The following PPP2R2B variants were observed in gnomAD, a reference collection of about 807,000 sequenced individuals.
The protein encoded by PPP2R2B is serine/threonine-protein phosphatase 2A 55 kDa regulatory subunit B beta isoform.
A neutral mutation model predicts 46.0 loss-of-function variants in PPP2R2B; 5 were observed. The observed-to-expected ratio is 0.11, with a 90% confidence interval of 0.06 to 0.23. The LOEUF is 0.23. PPP2R2B is among the 10% of genes least tolerant of loss of function. PPP2R2B has a pLI of 1.00. For synonymous variants in PPP2R2B, 215 were observed against 206.7 expected (o/e 1.04, Z -0.34); for missense variants, 367 against 575.0 (o/e 0.64, Z 3.70).
chr5:146,997,203 G>T (rs1580774633), intron 1 of PPP2R2B, among the ~76,000 whole-genome samples: 1 of 152,130 alleles, frequency 6.6e-6, no homozygotes, highest in African/African-American at 2.4e-5. Flanking sequence ...AGCAACAATT[G>T]TGGGGTTTCA....
intron 1 of PPP2R2B, among the ~76,000 whole-genome samples, chr5:146,952,899 A>G (rs2151836617): frequency 6.6e-6 from 1 of 152,306 alleles, no homozygotes; most frequent in East Asian, 1.9e-4. Context: ...ATGTTAGCAA[A>G]TGAATAGAAA....
intron 2 of PPP2R2B, among the ~76,000 whole-genome samples, chr5:146,855,439 T>C (rs1760598520): frequency 6.6e-6 from 1 of 152,206 alleles, no homozygotes; most frequent in African/African-American, 2.4e-5. Flanking sequence ...ATCCATAGTC[T>C]GATGGAGAAT....
At chr5:146,701,724 C>T (rs1223387706) in intron 2 of PPP2R2B, among the ~76,000 whole-genome samples, 2 of 152,216 alleles carry the variant, frequency 1.3e-5, no homozygotes, top group African/African-American at 2.4e-5. Flanking sequence ...CCAACACATC[C>T]TTCTGGAAGA....
chr5:147,079,915 A>G lies in PPP2R2B; in HGVS notation c.50+1144T>C, dbSNP rs1408754578. Among the ~76,000 whole-genome samples the G allele has an allele frequency of 3.9e-5, 6 of 152,204 alleles. No homozygotes were observed. In the East Asian group the frequency reaches 7.7e-4, roughly 20 times the overall value. On this transcript the variant is annotated intron_variant, in intron 2 of 10. Coordinates refer to the PPP2R2B transcript ENST00000394413. ...CATCTTGGTTTGATATCATTACACA[A>G]TATACACATATCAAAACATCACACT...
At chr5:146,659,165 G>T (rs965089945) in intron 5 of PPP2R2B, among the ~76,000 whole-genome samples, 5 of 152,126 alleles carry the variant, frequency 3.3e-5, no homozygotes, top group African/African-American at 1.2e-4. Flanking sequence ...GTGGGTATTG[G>T]TGAGTATCCA....
intron 2 of PPP2R2B, among the ~76,000 whole-genome samples, chr5:146,814,994 T>A (rs1033170775): frequency 6.6e-6 from 1 of 152,188 alleles, no homozygotes; most frequent in African/African-American, 2.4e-5. Context: ...CTGTACAGAT[T>A]TGCCTCTGGT....
In PPP2R2B at chr5:146,588,848, C is replaced by CACA. The variant is rs1430926909; in HGVS notation, c.*1096_*1098dup. The stretch of plus-strand genomic sequence containing the variant: ...GAGTTAGAAGTGCCTGATTGGACTT[C>CACA]ACAACTCAGCGTTTTTATTGGCTAT... On this transcript the variant is annotated 3_prime_UTR_variant, in exon 10 of 10. Coordinates refer to ENST00000394411, the MANE Select transcript of PPP2R2B (RefSeq NM_181675.4). 6.6e-6 allele frequency: 1 copy of CACA among 152,144 alleles called. No individual in the cohort carries two copies. 9.4% of individuals were successfully genotyped at this position (152,144 alleles called of 1,614,324 possible).
At chr5:147,045,273 G>A (rs951138191) in intron 1 of PPP2R2B, among the ~76,000 whole-genome samples, 3 of 152,084 alleles carry the variant, frequency 2.0e-5, no homozygotes, top group Non-Finnish European at 4.4e-5. Context: ...CCACATATAC[G>A]ATGGTGATTC....
At chr5:147,037,721 C>T (rs1756110205) in intron 1 of PPP2R2B, among the ~76,000 whole-genome samples, 1 of 152,068 alleles carries the variant, frequency 6.6e-6, no homozygotes, top group South Asian at 2.1e-4. Context: ...AGACTGGGAG[C>T]AGCATTTCCT....
At chr5:146,700,794 C>T (rs1232474754) in intron 3 of PPP2R2B, among the ~76,000 whole-genome samples, 2 of 152,012 alleles carry the variant, frequency 1.3e-5, no homozygotes, top group South Asian at 2.1e-4. Context: ...GCAGGTCAGG[C>T]GAGAAGTGAA....
intron 2 of PPP2R2B, among the ~76,000 whole-genome samples, chr5:146,862,524 G>T (rs916961856): frequency 2.0e-4 from 30 of 152,146 alleles, no homozygotes; most frequent in Admixed American, 2.0e-3. Context: ...ACAACTTGAG[G>T]AATTCAGGAA....
intron 2 of PPP2R2B, among the ~76,000 whole-genome samples, chr5:146,742,553 G>A (rs533566741): frequency 1.4e-4 from 22 of 152,074 alleles, no homozygotes; most frequent in Admixed American, 1.3e-4. Context: ...CTGTTTTTGC[G>A]AATTTTTAAT....
intron 7 of PPP2R2B, among the ~76,000 whole-genome samples, chr5:146,621,763 C>T (rs2151057814): frequency 6.6e-6 from 1 of 152,342 alleles, no homozygotes; most frequent in South Asian, 2.1e-4. Context: ...AGGCCACTGT[C>T]CTCTGATGCA....
At chr5:146,949,512 A>G (rs895870078) in intron 1 of PPP2R2B, among the ~76,000 whole-genome samples, 1 of 152,100 alleles carries the variant, frequency 6.6e-6, no homozygotes, top group African/African-American at 2.4e-5. Context: ...CAGACAGGCA[A>G]TAACAAATGC....
chr5:146,638,460 A>T, intron 6 of PPP2R2B, 45 bp from the exon 7 acceptor site: 1 of 1,524,904 alleles, frequency 6.6e-7, no homozygotes, highest in Non-Finnish European at 8.9e-7. Flanking sequence ...AGGAGGCAGG[A>T]ACTTGGGGAA....
At chr5:146,619,280 C>G (rs972220535) in intron 7 of PPP2R2B, among the ~76,000 whole-genome samples, 1 of 130,390 alleles carries the variant, frequency 7.7e-6, no homozygotes, top group Non-Finnish European at 1.6e-5. Context: ...GCCTGGCCAA[C>G]AAGGCAAAAC....
intron 2 of PPP2R2B, among the ~76,000 whole-genome samples, chr5:146,743,098 C>T (rs10044334): frequency 0.59 from 89,518 of 152,072 alleles, 28,495 homozygotes; most frequent in Non-Finnish European, 0.7. Context: ...TTTGCTATGG[C>T]AGCCCTAGCA....
At chr5:146,686,022 A>G (rs180825662) in intron 5 of PPP2R2B, among the ~76,000 whole-genome samples, 1 of 152,326 alleles carries the variant, frequency 6.6e-6, no homozygotes, top group East Asian at 1.9e-4. Flanking sequence ...GTAGAGAATA[A>G]GATGAAAAAC....
At chr5:146,918,122 A>G (rs978209230) in intron 1 of PPP2R2B, among the ~76,000 whole-genome samples, 3 of 152,196 alleles carry the variant, frequency 2.0e-5, no homozygotes, top group African/African-American at 7.2e-5. Context: ...AGAATCCATT[A>G]TGAAAATGAC....
Sources: gnomAD v4.1 joint callset for allele counts (sites outside exome capture counted in the v4.1 genomes callset) on GRCh38, gnomAD v4.1.1 for gene constraint, MANE v1.5 for transcripts, NCBI Gene and HGNC (gene_info 2026-07-23, HGNC 2026-07-21) for gene names.